MALT1: variants seen among roughly 807,000 people sequenced by gnomAD.
The protein encoded by MALT1 is MALT1 paracaspase, also known as mucosa-associated lymphoid tissue lymphoma translocation protein 1.
A neutral mutation model predicts 85.5 loss-of-function variants in MALT1; 36 were observed. The observed-to-expected ratio is 0.42, with a 90% CI of 0.32 to 0.56. MALT1 has a LOEUF of 0.56. Among genes scored for constraint, MALT1 ranks in the 20% least tolerant of loss-of-function variants. The pLI is 0.10. For synonymous variants in MALT1, 359 were observed against 361.3 expected, an observed-to-expected ratio of 0.99 and a Z score of 0.07; for missense variants, 716 against 981.6, an observed-to-expected ratio of 0.73 and a Z score of 3.62.
chr18:58,746,556 A>C (rs2055369566), intron 16 of MALT1, among the ~76,000 whole-genome samples: 1 of 152,232 alleles, frequency 6.6e-6, no homozygotes, highest in Non-Finnish European at 1.5e-5. Context: ...ATTGAGAATT[A>C]CACACATAAA....
chr18:58,744,448 C>T lies in MALT1; in HGVS notation c.1864C>T (p.Pro622Ser). Residue 622 changes from proline to serine, a missense_variant, in exon 15 of 17, where the codon CCA becomes TCA. Pro to Ser is a moderately conservative substitution (Grantham distance 74). Coordinates refer to ENST00000649217, the MANE Select transcript of MALT1 (RefSeq NM_006785.4). ...CATCTATACAAGTATAGTTTACAAA[C>T]CACCGGAGATAATAATGTGTGATGC... ...MIIYTSIVYK[P>S]PEIIMCDAYV... The T allele has an allele frequency of 6.2e-7, 1 of 1,607,140 alleles. No homozygotes were observed.
chr18:58,701,254 C>T (rs1462476723), intron 4 of MALT1, among the ~76,000 whole-genome samples: 11 of 152,160 alleles, frequency 7.2e-5, no homozygotes, highest in Non-Finnish European at 1.5e-5. Flanking sequence ...TTACTCTGCC[C>T]TCACACACGG....
In MALT1 at chr18:58,689,833, C is replaced by A. The variant is rs144439101; in HGVS notation, c.377-6533C>A. Among the ~76,000 whole-genome samples the A allele has an allele frequency of 1.1e-3, 165 of 152,214 alleles. 1 individual carries two copies. In the East Asian group the frequency reaches 0.029, roughly 27 times the overall value. ...GGTTGCGGGGGATGGCAAAGCGGAG[C>A]TTGTGGGGAGAACCCAGCAGAGGAC... On this transcript the variant is annotated intron_variant, in intron 2 of 16. Coordinates refer to ENST00000649217, the MANE Select transcript of MALT1 (RefSeq NM_006785.4).
intron 1 of MALT1, among the ~76,000 whole-genome samples, chr18:58,675,903 C>T (rs997495414): frequency 2.0e-5 from 3 of 152,176 alleles, no homozygotes; most frequent in African/African-American, 7.2e-5. Flanking sequence ...CAAAATTTAA[C>T]ACGTCTTCCC....
At chr18:58,727,628 G>GTTTTTTTTTTTTTTTTTTTTTTTTTTT (rs74183292) in intron 10 of MALT1, among the ~76,000 whole-genome samples, 2 of 130,650 alleles carry the variant, frequency 1.5e-5, no homozygotes, top group African/African-American at 6.0e-5. Flanking sequence ...TTTTTTTTTT[G>GTTTTTTTTTTTTTTTTTTTTTTTTTTT]TTTTTTTTTT....
rs2144285784 is a variant in MALT1, at chr18:58,671,779, G to A, written c.136G>A (p.Asp46Asn). The A allele has an allele frequency of 8.0e-7, 1 of 1,255,034 alleles. No individual in the cohort carries two copies. The highest frequency in any genetic ancestry group is 1.0e-6 in the Non-Finnish European group (1 of 1,001,136). 77.7% of individuals were successfully genotyped at this position (1,255,034 alleles called of 1,614,324 possible). A position where few individuals can be genotyped will look rare whatever the true frequency, so the allele number is the denominator to read the frequency against. ...PLLRRLSELLDQAPEGRGWRR... is the reference protein window; with the variant it reads ...PLLRRLSELLNQAPEGRGWRR... ...GCTGCGGAGGCTCAGCGAGCTCCTG[G>A]ATCAGGCGCCCGAGGGCCGGGGCTG... The change falls in exon 1 of 17, where the codon GAT becomes AAT. Residue 46 changes from aspartate (D) to asparagine (N), a missense_variant. Physicochemically the swap from Asp to Asn is conservative, Grantham distance 23. Transcript: ENST00000649217.
At chr18:58,710,989 G>T (rs755600868) in intron 7 of MALT1, 36 bp downstream of exon 7, 2 of 1,498,356 alleles carry the variant, frequency 1.3e-6, no homozygotes, top group Non-Finnish European at 1.8e-6. Context: ...CAAATCTCCT[G>T]CATGCTAGTT....
chr18:58,738,789 CTGTGTGTG>C, intron 13 of MALT1, among the ~76,000 whole-genome samples: 1 of 125,222 alleles, frequency 8.0e-6, no homozygotes, highest in Non-Finnish European at 1.6e-5. Flanking sequence ...GTGCATTCTT[CTGTGTGTG>C]TGTGTGTGTG....
rs545617758 is a variant in MALT1, at chr18:58,752,108, A to G, written c.*4266A>G. ...TGACTTGTCAAATTGAAGAAATTCAATTATGTAGCCAGAGCTTAGATCACT... is the reference window on the plus strand; with the variant it reads ...TGACTTGTCAAATTGAAGAAATTCAGTTATGTAGCCAGAGCTTAGATCACT... On this transcript the variant is annotated 3_prime_UTR_variant, in exon 17 of 17. Coordinates refer to ENST00000649217, the MANE Select transcript of MALT1 (RefSeq NM_006785.4). 2 of 152,342 alleles carry G rather than the reference A, an allele frequency of 1.3e-5. No homozygotes were observed. Among genetic ancestry groups the G allele is most frequent in the South Asian group, 4.1e-4 (2 of 4,828 alleles). 9.4% of individuals were successfully genotyped at this position (152,342 alleles called of 1,614,324 possible). A position where few individuals can be genotyped will look rare whatever the true frequency, so the allele number is the denominator to read the frequency against.
At chr18:58,728,714 T>C (rs1461442327) in intron 10 of MALT1, among the ~76,000 whole-genome samples, 1 of 152,234 alleles carries the variant, frequency 6.6e-6, no homozygotes, top group Non-Finnish European at 1.5e-5. Context: ...TGATACAGAA[T>C]AGTTACACTT....
chr18:58,680,393 AGT>A (rs2054302980), intron 1 of MALT1, among the ~76,000 whole-genome samples: 5 of 152,216 alleles, frequency 3.3e-5, no homozygotes, highest in Admixed American at 3.3e-4. Context: ...ATGAATTAAC[AGT>A]ATTTCATTTG....
In MALT1 at chr18:58,700,426, T is replaced by C. The variant is rs1160135838; in HGVS notation, c.499-15T>C. The C allele has an allele frequency of 4.4e-6, 7 of 1,581,332 alleles. No individual in the cohort carries two copies. In the Admixed American group the frequency reaches 5.7e-5, roughly 13 times the overall value. On this transcript the variant is annotated splice_polypyrimidine_tract_variant and intron_variant, in intron 3 of 16. Coordinates refer to ENST00000649217, the MANE Select transcript of MALT1 (RefSeq NM_006785.4). Reference sequence around the variant, plus strand: ...TTTGATGAGTCATCCACTTCTCTTATTGATTCTTTCACAGATTCCAAATGG... The same window carrying C: ...TTTGATGAGTCATCCACTTCTCTTACTGATTCTTTCACAGATTCCAAATGG...
At chr18:58,712,281 T>A (rs1481216147) in intron 7 of MALT1, among the ~76,000 whole-genome samples, 1 of 152,172 alleles carries the variant, frequency 6.6e-6, no homozygotes, top group African/African-American at 2.4e-5. Context: ...ACAGTGTCCT[T>A]TATTATATAT....
chr18:58,707,745 T>C (rs1009070951), intron 4 of MALT1, among the ~76,000 whole-genome samples: 9 of 152,218 alleles, frequency 5.9e-5, no homozygotes, highest in African/African-American at 1.9e-4. Context: ...GCTCAGGAAC[T>C]AGACACACCC....
intron 2 of MALT1, among the ~76,000 whole-genome samples, chr18:58,682,955 G>T (rs1004296584): frequency 2.0e-5 from 3 of 152,168 alleles, no homozygotes; most frequent in African/African-American, 4.8e-5. Context: ...ACAGGGCTGG[G>T]GTGGGAATAA....
chr18:58,735,430 G>A, intron 13 of MALT1, 101 bp downstream of exon 13: 1 of 1,315,006 alleles, frequency 7.6e-7, no homozygotes, highest in Non-Finnish European at 1.0e-6. Flanking sequence ...TTCTTATTAT[G>A]TGGGTTTGGA....
intron 9 of MALT1, among the ~76,000 whole-genome samples, chr18:58,721,099 G>A (rs1000466354): frequency 6.6e-6 from 1 of 152,172 alleles, no homozygotes; most frequent in African/African-American, 2.4e-5. Flanking sequence ...TTTTAAAAAG[G>A]CCAGGCGTGG....
chr18:58,737,092 G>A (rs569834091), intron 13 of MALT1, among the ~76,000 whole-genome samples: 1 of 152,236 alleles, frequency 6.6e-6, no homozygotes, highest in Admixed American at 6.5e-5. Flanking sequence ...TGTAATCCCA[G>A]CACTTTGGGA....
At chr18:58,745,184 G>A (rs1757198401) in intron 15 of MALT1, among the ~76,000 whole-genome samples, 1 of 152,324 alleles carries the variant, frequency 6.6e-6, no homozygotes, top group South Asian at 2.1e-4. Context: ...CTGGGGGCCT[G>A]TGGGCTTCTC....
Sources: gnomAD v4.1 joint callset for allele counts (sites outside exome capture counted in the v4.1 genomes callset) on GRCh38, gnomAD v4.1.1 for gene constraint, MANE v1.5 for transcripts, NCBI Gene and HGNC (gene_info 2026-07-23, HGNC 2026-07-21) for gene names.